Variants in PLAG1 observed in about 807,000 individuals in gnomAD.
The protein encoded by PLAG1 is PLAG1 zinc finger.
PLAG1 carries 7 observed loss-of-function variants against 35.5 expected under a neutral mutation model. The observed-to-expected ratio is 0.20, with a 90% confidence interval of 0.11 to 0.37. The LOEUF is 0.37. Ranked by LOEUF, PLAG1 falls within the 10% of genes least tolerant of loss-of-function variation. The probability of loss-of-function intolerance (pLI) is 1.00; values close to 1 mark genes in which losing one functional copy is unlikely to be tolerated. For missense variants in PLAG1, 454 were observed against 602.8 expected, an observed-to-expected ratio of 0.75 and a Z score of 2.58; for synonymous variants, 229 against 225.4, an observed-to-expected ratio of 1.02 and a Z score of -0.14.
chr8:56,163,394 C>T lies in PLAG1; in HGVS notation c.*2849G>A, dbSNP rs181923527. ...AAAAAAGCCAATTCTGTGTTACATC[C>T]TTGTTAGAACATTGTGCAATTCAAA... On this transcript the variant is annotated 3_prime_UTR_variant, in exon 5 of 5. Transcript: ENST00000316981. 2.5e-5 allele frequency: 5 copies of T among 197,026 alleles called. No individual in the cohort carries two copies. The highest frequency in any genetic ancestry group is 9.2e-5 in the African/African-American group (4 of 43,260). The allele number at this position is 197,026 out of a possible 1,614,324, so 12.2% of individuals were successfully genotyped here. A position where few individuals can be genotyped will look rare whatever the true frequency, so the allele number is the denominator to read the frequency against.
At chr8:56,186,935 C>T (rs1253625781) in intron 1 of PLAG1, among the ~76,000 whole-genome samples, 2 of 152,036 alleles carry the variant, frequency 1.3e-5, no homozygotes, top group Non-Finnish European at 2.9e-5. Context: ...AGGCTGGTCT[C>T]GAACTCCTGA....
At chr8:56,183,622 A>G (rs1231930610) in intron 1 of PLAG1, among the ~76,000 whole-genome samples, 27 of 152,218 alleles carry the variant, frequency 1.8e-4, no homozygotes, top group Admixed American at 1.8e-3. Flanking sequence ...GAAGATTAGG[A>G]AGATATAAGC....
chr8:56,166,311 A>C lies in PLAG1; in HGVS notation c.1435T>G (p.Ser479Ala). 6.2e-7 allele frequency: 1 copy of C among 1,613,012 alleles called. No homozygotes were observed. The highest frequency in any genetic ancestry group is 8.5e-7 in the Non-Finnish European group (1 of 1,179,496). The stretch of plus-strand genomic sequence containing the variant: ...CTTAAACTGCTGGTGAAAGCTGCTG[A>C]CAGTGAGTGCAGAGACCCAAGCCCT... ...TIGLGSLHSLSAAFTSSLSTS... is the reference protein window; with the variant it reads ...TIGLGSLHSLAAAFTSSLSTS... Residue 479 changes from serine to alanine, a missense_variant, in exon 5 of 5, where the codon TCA becomes GCA. This residue lies in a region of PLAG1 where 271 missense variants were observed against 315.6 expected (regional missense o/e 0.86). Transcript: ENST00000316981.
chr8:56,168,515 C>T (rs909090237), intron 3 of PLAG1, 129 bp from the exon 4 acceptor site: 1 of 319,056 alleles, frequency 3.1e-6, no homozygotes, highest in Non-Finnish European at 5.7e-6. Flanking sequence ...AATGTAATAT[C>T]ATCACATTAC....
At chr8:56,172,044 CAG>C (rs1302456577) in intron 2 of PLAG1, among the ~76,000 whole-genome samples, 12 of 152,220 alleles carry the variant, frequency 7.9e-5, no homozygotes, top group Non-Finnish European at 1.2e-4. Context: ...TCAGTAAACT[CAG>C]AGTATTTTAA....
chr8:56,169,315 GT>G (rs1296725992), intron 3 of PLAG1, among the ~76,000 whole-genome samples: 1 of 152,122 alleles, frequency 6.6e-6, no homozygotes, highest in Non-Finnish European at 1.5e-5. Context: ...TGGTAAAAAG[GT>G]GTGTCAGAGT....
intron 1 of PLAG1, chr8:56,209,629 A>G (rs1812790437): frequency 6.6e-6 from 1 of 152,312 alleles, no homozygotes; most frequent in African/African-American, 2.4e-5. Flanking sequence ...TTTTATACAC[A>G]TAAAACCAGA....
chr8:56,188,769 CT>C (rs1173859219), intron 1 of PLAG1, among the ~76,000 whole-genome samples: 1 of 152,020 alleles, frequency 6.6e-6, no homozygotes, highest in Non-Finnish European at 1.5e-5. Context: ...TCTTGATTAA[CT>C]GGGTAACTGG....
At chr8:56,183,071 T>A (rs1585797521) in intron 1 of PLAG1, among the ~76,000 whole-genome samples, 1 of 152,258 alleles carries the variant, frequency 6.6e-6, no homozygotes, top group South Asian at 2.1e-4. Context: ...AATATTTGCC[T>A]TTAAGAGAAG....
In PLAG1 at chr8:56,163,614, A is replaced by G. The variant is rs1811270140; in HGVS notation, c.*2629T>C. ...AAATTTTAACACTGGTGCCCTGAAGATGTGCCTCCATGTATTTGAATTTCA... is the reference window on the plus strand; with the variant it reads ...AAATTTTAACACTGGTGCCCTGAAGGTGTGCCTCCATGTATTTGAATTTCA... On this transcript the variant is annotated 3_prime_UTR_variant, in exon 5 of 5. Transcript: ENST00000316981. 1 of 196,374 alleles carries G rather than the reference A, an allele frequency of 5.1e-6. No homozygotes were observed. The highest frequency in any genetic ancestry group is 1.9e-4 in the South Asian group (1 of 5,238). 12.2% of individuals were successfully genotyped at this position (196,374 alleles called of 1,614,324 possible). A position where few individuals can be genotyped will look rare whatever the true frequency, so the allele number is the denominator to read the frequency against.
intron 2 of PLAG1, among the ~76,000 whole-genome samples, chr8:56,172,548 A>C (rs181208021): frequency 7.2e-5 from 11 of 152,340 alleles, no homozygotes; most frequent in Admixed American, 3.3e-4. Context: ...TATTTTAAGA[A>C]TATAAATACC....
rs919015235 is a variant in PLAG1 at position 56,167,788 on chromosome 8, A to T, written c.242+240T>A. ...ACGTCCTTACCCTTTTCTTGTTGTA[A>T]TTTCTTTCTACAAATGGAAATTCTA... is the stretch of plus-strand genomic sequence containing the variant. On this transcript the variant is annotated intron_variant, in intron 4 of 4. Transcript: ENST00000316981. The surrounding 1 kb of genome is among the most constrained non-coding windows in gnomAD (Gnocchi z 5.9). 6.6e-6 allele frequency among the ~76,000 whole-genome samples: 1 copy of T among 152,236 alleles called. No individual in the cohort carries two copies. Among genetic ancestry groups the T allele is most frequent in the African/African-American group, 2.4e-5 (1 of 41,464 alleles).
chr8:56,168,573 T>C (rs1053837604), intron 3 of PLAG1, among the ~76,000 whole-genome samples, 187 bp from the exon 4 acceptor site: 4 of 152,174 alleles, frequency 2.6e-5, no homozygotes, highest in African/African-American at 9.7e-5. Context: ...TACATAGAAA[T>C]GCATTGCTCA....
At chr8:56,191,964 G>T (rs1222900567) in intron 1 of PLAG1, among the ~76,000 whole-genome samples, 2 of 152,336 alleles carry the variant, frequency 1.3e-5, no homozygotes, top group East Asian at 3.9e-4. Context: ...ACAAGTTGGG[G>T]TTAACTGGGA....
chr8:56,177,570 C>T (rs1367862389), intron 2 of PLAG1, among the ~76,000 whole-genome samples: 1 of 152,160 alleles, frequency 6.6e-6, no homozygotes, highest in East Asian at 1.9e-4. Flanking sequence ...CTTGAAATGA[C>T]CTGTCTGACC....
rs1264100604 is a variant in PLAG1, at chr8:56,166,007, A to C, written c.*236T>G. ...TCCTATATGGAAAAAAAAAAGTCTT[A>C]AAATGTGACAATTGGCAGTGAATCA... On this transcript the variant is annotated 3_prime_UTR_variant, in exon 5 of 5. Coordinates refer to ENST00000316981, the MANE Select transcript of PLAG1 (RefSeq NM_002655.3). The C allele has an allele frequency of 3.5e-6, 1 of 289,432 alleles. No homozygotes were observed. Among genetic ancestry groups the C allele is most frequent in the Non-Finnish European group, 6.4e-6 (1 of 155,722 alleles). 17.9% of individuals were successfully genotyped at this position (289,432 alleles called of 1,614,324 possible).
intron 1 of PLAG1, among the ~76,000 whole-genome samples, chr8:56,185,836 G>A (rs1812002078): frequency 1.3e-5 from 2 of 152,228 alleles, no homozygotes; most frequent in South Asian, 4.1e-4. Flanking sequence ...AGTACCCCCT[G>A]AAGTGTTTCA....
At chr8:56,173,069 A>C (rs1042337593) in intron 2 of PLAG1, among the ~76,000 whole-genome samples, 4 of 152,126 alleles carry the variant, frequency 2.6e-5, no homozygotes, top group African/African-American at 9.7e-5. Flanking sequence ...AATCCATATA[A>C]ATTTTATTGC....
At chr8:56,189,633 A>G (rs895530860) in intron 1 of PLAG1, among the ~76,000 whole-genome samples, 3 of 152,202 alleles carry the variant, frequency 2.0e-5, no homozygotes, top group Non-Finnish European at 4.4e-5. Context: ...GCAAAACAGA[A>G]GGTAGAAGAT....
Sources: allele counts gnomAD v4.1 joint callset (sites outside exome capture counted in the v4.1 genomes callset), GRCh38; gene constraint gnomAD v4.1.1; regional missense constraint gnomAD v4.1.1; non-coding constraint Gnocchi (gnomAD v3.1); transcripts MANE v1.5; gene names NCBI Gene and HGNC (gene_info 2026-07-23, HGNC 2026-07-21).